The following ROBO2 variants were observed in gnomAD, a reference collection of about 807,000 sequenced individuals.
ROBO2 encodes the protein roundabout homolog 2.
Under a neutral mutation model 160.8 loss-of-function variants are expected in ROBO2, and 53 were observed. That is an observed-to-expected ratio of 0.33 (90% CI 0.26 to 0.41). ROBO2 has a LOEUF of 0.41. Ranked by LOEUF, ROBO2 falls within the 10% of genes least tolerant of loss-of-function variation. The pLI, the probability that ROBO2 is intolerant of heterozygous loss-of-function variation, is 1.00. For synonymous variants in ROBO2, 664 were observed against 611.7 expected (o/e 1.09, Z -1.26); for missense variants, 1,577 against 1,722.4 (o/e 0.92, Z 1.49).
intron 2 of ROBO2, among the ~76,000 whole-genome samples, chr3:76,970,654 A>G (rs1015749568): frequency 6.6e-6 from 1 of 152,192 alleles, no homozygotes; most frequent in Admixed American, 6.6e-5. Flanking sequence ...TGGTTCAGCC[A>G]ATGAATCAAT....
chr3:77,486,989 C>G (rs993364912), intron 4 of ROBO2, among the ~76,000 whole-genome samples: 1 of 152,108 alleles, frequency 6.6e-6, no homozygotes, highest in South Asian at 2.1e-4. Flanking sequence ...ATTATTTTCA[C>G]AGTACGATGT....
intron 1 of ROBO2, among the ~76,000 whole-genome samples, chr3:75,916,025 A>T (rs541571826): frequency 6.6e-6 from 1 of 152,198 alleles, no homozygotes; most frequent in Non-Finnish European, 1.5e-5. Context: ...AGAGCTGATA[A>T]ATTTTCAAAA....
At chr3:75,996,395 G>A (rs2065726423) in intron 2 of ROBO2, among the ~76,000 whole-genome samples, 1 of 152,166 alleles carries the variant, frequency 6.6e-6, no homozygotes, top group Non-Finnish European at 1.5e-5. Flanking sequence ...GCTGCCCTGT[G>A]AAGAGGTGAC....
rs144579687 is a variant in ROBO2 at position 77,169,870 on chromosome 3, A to G, written c.388+71530A>G. 4.0e-3 allele frequency among the ~76,000 whole-genome samples: 609 copies of G among 152,312 alleles called. 30 individuals are homozygous for G. Among genetic ancestry groups the G allele is most frequent in the Admixed American group, 0.035 (537 of 15,292 alleles). The stretch of plus-strand genomic sequence containing the variant: ...CCCACCAAGGGGGCAGGAGTTGAGC[A>G]TGAGCCTCCCCACTGTGGTCGTCCT... On this transcript the variant is annotated intron_variant, in intron 2 of 25. Coordinates refer to ENST00000461745, the Ensembl canonical transcript of ROBO2.
intron 2 of ROBO2, among the ~76,000 whole-genome samples, chr3:77,470,254 CATG>C (rs1365251783): frequency 6.6e-6 from 1 of 152,104 alleles, no homozygotes; most frequent in African/African-American, 2.4e-5. Context: ...AGGGAATTGA[CATG>C]ATCACATTTG....
chr3:75,907,573 C>T (rs894049995), intron 1 of ROBO2, among the ~76,000 whole-genome samples: 1 of 152,162 alleles, frequency 6.6e-6, no homozygotes, highest in African/African-American at 2.4e-5. Flanking sequence ...TGTTGGTTCA[C>T]TTCATCTCCT....
intron 2 of ROBO2, among the ~76,000 whole-genome samples, chr3:75,997,119 A>G (rs953807983): frequency 1.4e-4 from 22 of 152,210 alleles, no homozygotes; most frequent in Non-Finnish European, 3.2e-4. Context: ...GAATCATATA[A>G]TTCAGCCTGA....
chr3:76,044,244 A>T (rs2067375101), intron 2 of ROBO2, among the ~76,000 whole-genome samples: 2 of 152,098 alleles, frequency 1.3e-5, no homozygotes, highest in African/African-American at 4.8e-5. Context: ...GAACCAAGTT[A>T]TCACGAAGTG....
At chr3:76,844,705 G>C (rs1394672337) in intron 2 of ROBO2, among the ~76,000 whole-genome samples, 1 of 151,846 alleles carries the variant, frequency 6.6e-6, no homozygotes, top group African/African-American at 2.4e-5. Flanking sequence ...AGTTGCCATA[G>C]ATTTATATAG....
intron 2 of ROBO2, among the ~76,000 whole-genome samples, chr3:75,961,535 C>G (rs971518428): frequency 6.6e-6 from 1 of 151,580 alleles, no homozygotes; most frequent in Non-Finnish European, 1.5e-5. Context: ...ATAGCTCACT[C>G]AATTTTAATA....
chr3:77,530,033 A>C (rs1435881088), intron 6 of ROBO2, among the ~76,000 whole-genome samples: 1 of 151,974 alleles, frequency 6.6e-6, no homozygotes, highest in African/African-American at 2.4e-5. Flanking sequence ...TAATGATTAC[A>C]TATTAAAATC....
At chr3:76,963,836 CAAAAAA>C (rs11407644) in intron 2 of ROBO2, among the ~76,000 whole-genome samples, 1 of 106,240 alleles carries the variant, frequency 9.4e-6, no homozygotes. Context: ...TGAGGAACTG[CAAAAAA>C]AAAAAAAGAA....
intron 2 of ROBO2, among the ~76,000 whole-genome samples, chr3:77,319,291 T>TATCCTG (rs1244522272): frequency 1.1e-4 from 16 of 152,218 alleles, no homozygotes; most frequent in African/African-American, 3.9e-4. Context: ...AATCATTCTT[T>TATCCTG]TACATCCTGT....
intron 2 of ROBO2, among the ~76,000 whole-genome samples, chr3:76,266,667 A>T (rs1338720810): frequency 6.6e-6 from 1 of 152,146 alleles, no homozygotes; most frequent in Non-Finnish European, 1.5e-5. Flanking sequence ...AAGCACAAAA[A>T]GGCTAAGTGA....
chr3:77,490,255 C>T (rs921991252), intron 4 of ROBO2, among the ~76,000 whole-genome samples: 1 of 151,896 alleles, frequency 6.6e-6, no homozygotes, highest in African/African-American at 2.4e-5. Context: ...TGCCCGCCAC[C>T]GCCCCAGCTA....
intron 2 of ROBO2, among the ~76,000 whole-genome samples, chr3:76,802,107 C>T (rs1368221351): frequency 6.6e-6 from 1 of 152,128 alleles, no homozygotes; most frequent in African/African-American, 2.4e-5. Context: ...TAAACGAATA[C>T]TAATACATTT....
At chr3:76,040,976 G>A (rs997454487) in intron 2 of ROBO2, among the ~76,000 whole-genome samples, 2 of 152,000 alleles carry the variant, frequency 1.3e-5, no homozygotes, top group African/African-American at 2.4e-5. Flanking sequence ...GTGACAGAGT[G>A]AGACTCTATC....
At chr3:76,643,106 A>G (rs2090784500) in intron 2 of ROBO2, among the ~76,000 whole-genome samples, 1 of 152,164 alleles carries the variant, frequency 6.6e-6, no homozygotes, top group Non-Finnish European at 1.5e-5. Context: ...ATCATCGAAA[A>G]TTGTTTTTAA....
chr3:77,563,255 C>G, exon 11 of ROBO2: 1 of 1,613,674 alleles, frequency 6.2e-7, no homozygotes, highest in Non-Finnish European at 8.5e-7. Context: ...TTACTAAGAA[C>G]AGTGTCACCT....
Sources: gnomAD v4.1 joint callset for allele counts (sites outside exome capture counted in the v4.1 genomes callset) on GRCh38, gnomAD v4.1.1 for gene constraint, MANE v1.5 for transcripts, NCBI Gene and HGNC (gene_info 2026-07-23, HGNC 2026-07-21) for gene names.